NEK6: variants seen among roughly 807,000 people sequenced by gnomAD.
NEK6 encodes the protein NIMA related kinase 6.
A neutral mutation model predicts 43.5 loss-of-function variants in NEK6; 27 were observed. The ratio of observed to expected loss-of-function variants is 0.62; its 90% CI spans 0.46 to 0.86. The LOEUF (loss-of-function observed/expected upper bound fraction) is 0.86. NEK6 is among the 40% of genes least tolerant of loss of function. The probability of loss-of-function intolerance (pLI) is 0.00; values close to 1 mark genes in which losing one functional copy is unlikely to be tolerated. For missense variants in NEK6, 318 were observed against 414.4 expected (o/e 0.77, Z 2.02); for synonymous variants, 167 against 164.1 (o/e 1.02, Z -0.14).
intron 1 of NEK6, among the ~76,000 whole-genome samples, chr9:124,269,410 G>A (rs1448463061): frequency 2.7e-5 from 4 of 150,284 alleles, no homozygotes; most frequent in Non-Finnish European, 4.4e-5. Flanking sequence ...TTTCACTCTT[G>A]TCACCCAGGC....
intron 1 of NEK6, among the ~76,000 whole-genome samples, chr9:124,282,820 G>A (rs1205513727): frequency 1.3e-5 from 2 of 152,230 alleles, no homozygotes; most frequent in African/African-American, 2.4e-5. Flanking sequence ...CACCAGCCAG[G>A]ACCACTGAGG....
intron 1 of NEK6, among the ~76,000 whole-genome samples, chr9:124,299,198 G>A (rs555835987): frequency 5.9e-4 from 90 of 152,338 alleles, no homozygotes; most frequent in South Asian, 2.5e-3. Flanking sequence ...CATGGGTCTC[G>A]CAGGGGTGAC....
At chr9:124,280,340 G>A (rs1306999801) in intron 1 of NEK6, among the ~76,000 whole-genome samples, 1 of 152,256 alleles carries the variant, frequency 6.6e-6, no homozygotes, top group African/African-American at 2.4e-5. Context: ...AGGGAGGGGA[G>A]TTGAAATCGG....
chr9:124,257,777 G>T, upstream of NEK6: 4 of 1,469,376 alleles, frequency 2.7e-6, no homozygotes, highest in East Asian at 2.7e-5. Context: ...TTCCTCGGCC[G>T]AGCGGATCGG....
At chr9:124,302,171 C>A (rs1035944491) in intron 2 of NEK6, 117 bp downstream of exon 2, 2 of 687,986 alleles carry the variant, frequency 2.9e-6, no homozygotes, top group Non-Finnish European at 4.8e-6. Context: ...TGAAACAGAA[C>A]CTCTTGAATG....
At chr9:124,312,739 C>G in intron 3 of NEK6, 90 bp downstream of exon 3, 2 of 1,375,258 alleles carry the variant, frequency 1.5e-6, no homozygotes, top group Non-Finnish European at 2.0e-6. Context: ...CTTCTCTCCC[C>G]TCTTCTGTGA....
chr9:124,309,815 G>A (rs1833440966), intron 2 of NEK6, among the ~76,000 whole-genome samples: 1 of 152,246 alleles, frequency 6.6e-6, no homozygotes, highest in Non-Finnish European at 1.5e-5. Flanking sequence ...CGGCGTCTGA[G>A]TCACAGAGTC....
intron 1 of NEK6, among the ~76,000 whole-genome samples, chr9:124,289,275 A>T (rs751762760): frequency 4.7e-5 from 7 of 150,080 alleles, no homozygotes; most frequent in Non-Finnish European, 8.9e-5. Flanking sequence ...GGTGCTCTGG[A>T]CACACTGCTG....
In NEK6 at chr9:124,278,403, A is replaced by C. The variant is rs146742550; in HGVS notation, c.-30+20318A>C. 2.2e-4 allele frequency among the ~76,000 whole-genome samples: 34 copies of C among 152,284 alleles called. 1 individual carries two copies. In the East Asian group the frequency reaches 6.4e-3, roughly 29 times the overall value. On this transcript the variant is annotated intron_variant, in intron 1 of 9. Coordinates refer to ENST00000320246, the MANE Select transcript of NEK6 (RefSeq NM_014397.6). ...TTGTAGGTTCCCCTAGGTGAGCAGTAGTGTCCCAGGCATTGAGGAGGGCTG... is the reference window on the plus strand; with the variant it reads ...TTGTAGGTTCCCCTAGGTGAGCAGTCGTGTCCCAGGCATTGAGGAGGGCTG...
intron 2 of NEK6, among the ~76,000 whole-genome samples, chr9:124,304,050 C>T (rs535895578): frequency 4.3e-4 from 65 of 152,342 alleles, no homozygotes; most frequent in African/African-American, 1.3e-3. Flanking sequence ...TACGATTACT[C>T]GGAGCTGGGC....
At chr9:124,341,304 A>G (rs1376154349) in intron 8 of NEK6, among the ~76,000 whole-genome samples, 1 of 152,206 alleles carries the variant, frequency 6.6e-6, no homozygotes, top group African/African-American at 2.4e-5. Context: ...ATTTCATTTT[A>G]ACAGACTGGC....
intron 4 of NEK6, among the ~76,000 whole-genome samples, chr9:124,315,078 C>T (rs888431204): frequency 3.3e-5 from 5 of 152,262 alleles, no homozygotes; most frequent in Non-Finnish European, 7.3e-5. Flanking sequence ...TTCTGCCACA[C>T]GCTGCCCTGT....
At chr9:124,271,918 C>T (rs958861202) in intron 1 of NEK6, among the ~76,000 whole-genome samples, 1 of 152,388 alleles carries the variant, frequency 6.6e-6, no homozygotes, top group Non-Finnish European at 1.5e-5. Flanking sequence ...AGACAGGTGG[C>T]AGCGGCAGAG....
chr9:124,341,429 CA>C (rs1829621217), intron 8 of NEK6, among the ~76,000 whole-genome samples: 1 of 6,056 alleles, frequency 1.7e-4, no homozygotes, highest in Non-Finnish European at 2.2e-3. Context: ...ATGCAGGTGA[CA>C]AGAGGGTGGG....
chr9:124,286,088 C>T (rs766542390), intron 1 of NEK6, among the ~76,000 whole-genome samples: 7 of 152,168 alleles, frequency 4.6e-5, no homozygotes, highest in Non-Finnish European at 7.3e-5. Flanking sequence ...TGCCCTCCCC[C>T]GCAGTCAGAC....
chr9:124,315,910 A>G (rs563317222), intron 4 of NEK6, among the ~76,000 whole-genome samples: 10 of 152,346 alleles, frequency 6.6e-5, no homozygotes, highest in Admixed American at 5.2e-4. Context: ...CCTCATCTGT[A>G]AAGGGGGCAT....
intron 9 of NEK6, among the ~76,000 whole-genome samples, chr9:124,348,688 G>A (rs1473740118): frequency 1.3e-5 from 2 of 152,228 alleles, no homozygotes; most frequent in Non-Finnish European, 2.9e-5. Context: ...GATGGGGCCT[G>A]GCTCAGTCAG....
intron 4 of NEK6, among the ~76,000 whole-genome samples, chr9:124,314,349 G>A (rs540766428): frequency 6.6e-6 from 1 of 152,218 alleles, no homozygotes; most frequent in South Asian, 2.1e-4. Context: ...GTTCATTGTG[G>A]GGACCACATC....
Position 124,312,643 on chromosome 9 carries a change from G to A in NEK6, c.225G>A (p.Lys75=), listed in dbSNP as rs1369105094. The change falls in exon 3 of 10, where the codon AAG becomes AAA. Residue 75 remains lysine, a synonymous_variant. Transcript: ENST00000320246. ...LLDRKTVALK[K]VQIFEMMDAK... is the part of the protein sequence containing the mutation. Reference sequence around the variant, plus strand: ...ACAGGAAGACAGTGGCTCTGAAGAAGGTGCAGGTGAGCTGACAACCCGTGG... The same window carrying A: ...ACAGGAAGACAGTGGCTCTGAAGAAAGTGCAGGTGAGCTGACAACCCGTGG... 1.2e-6 allele frequency: 2 copies of A among 1,612,160 alleles called. No homozygotes were observed. The highest frequency in any genetic ancestry group is 1.7e-6 in the Non-Finnish European group (2 of 1,178,606).
Sources: gnomAD v4.1 joint callset for allele counts (sites outside exome capture counted in the v4.1 genomes callset) on GRCh38, gnomAD v4.1.1 for gene constraint, MANE v1.5 for transcripts, NCBI Gene and HGNC (gene_info 2026-07-23, HGNC 2026-07-21) for gene names.